Variants in NBEA observed in about 807,000 individuals in gnomAD.
NBEA encodes the protein neurobeachin, also known as lysosomal-trafficking regulator 2.
A neutral mutation model predicts 343.4 loss-of-function variants in NBEA; 44 were observed. The ratio of observed to expected loss-of-function variants is 0.13; its 90% CI spans 0.10 to 0.16. The LOEUF (loss-of-function observed/expected upper bound fraction) is 0.16. Among genes scored for constraint, NBEA ranks in the 10% least tolerant of loss-of-function variants. NBEA has a pLI of 1.00. For synonymous variants in NBEA, 1,175 were observed against 1,238.7 expected (o/e 0.95, Z 1.08); for missense variants, 2,555 against 3,631.3 (o/e 0.70, Z 7.62).
chr13:35,200,979 C>A (rs1245233245), intron 31 of NBEA, among the ~76,000 whole-genome samples: 1 of 139,310 alleles, frequency 7.2e-6, no homozygotes, highest in Non-Finnish European at 1.5e-5. Context: ...ATTATAATTA[C>A]TTCTGAAGAC....
At chr13:35,288,380 A>G (rs2035580038) in intron 34 of NBEA, among the ~76,000 whole-genome samples, 1 of 151,854 alleles carries the variant, frequency 6.6e-6, no homozygotes, top group South Asian at 2.1e-4. Flanking sequence ...GGGAGAATCC[A>G]TTTATTCTTT....
At chr13:35,317,464 A>G (rs893884793) in intron 36 of NBEA, among the ~76,000 whole-genome samples, 1 of 151,988 alleles carries the variant, frequency 6.6e-6, no homozygotes, top group African/African-American at 2.4e-5. Context: ...GTTGGTCCAT[A>G]TATCTGTTTT....
In NBEA at chr13:34,942,992, G is replaced by A. The variant is rs760473211; in HGVS notation, c.172G>A (p.Ala58Thr). 3 of 1,610,872 alleles carry A rather than the reference G, an allele frequency of 1.9e-6. No homozygotes were observed. The highest frequency in any genetic ancestry group is 4.5e-5 in the East Asian group (2 of 44,342). Reference protein sequence around the residue: ...ASGSGSVMLPAGMINPSVPIR... With the variant: ...ASGSGSVMLPTGMINPSVPIR... ...CGGCTCCGGCTCGGTGATGCTCCCC[G>A]CGGGGATGATTAACCCTTCGGTGCC... The change falls in exon 1 of 59, where the codon GCG becomes ACG. Residue 58 changes from alanine (A) to threonine (T), a missense_variant. Physicochemically the swap from Ala to Thr is moderately conservative, Grantham distance 58 (BLOSUM62 0). This residue lies in a region of NBEA where 122 missense variants were observed against 91.0 expected (regional missense o/e 1.34). Coordinates refer to ENST00000379939, the MANE Select transcript of NBEA (RefSeq NM_001385012.1).
In NBEA at chr13:35,174,923, G is replaced by C. The variant is rs754263811; in HGVS notation, c.4554+1329G>C. 3.3e-5 allele frequency among the ~76,000 whole-genome samples: 5 copies of C among 151,914 alleles called. No individual in the cohort carries two copies. In the East Asian group the frequency reaches 9.7e-4, roughly 29 times the overall value. Reference sequence around the variant, plus strand: ...TTCTCCTGCCTCAGCCTCCCAAGTAGCTGGGACTACAGATGTGTGCCACCA... The same window carrying C: ...TTCTCCTGCCTCAGCCTCCCAAGTACCTGGGACTACAGATGTGTGCCACCA... On this transcript the variant is annotated intron_variant, in intron 27 of 58. Transcript: ENST00000379939.
At chr13:35,248,955 C>T (rs929339572) in intron 34 of NBEA, among the ~76,000 whole-genome samples, 32 of 151,988 alleles carry the variant, frequency 2.1e-4, no homozygotes, top group African/African-American at 7.2e-4. Flanking sequence ...TTCGAGACCA[C>T]CCTGACCAAC....
intron 36 of NBEA, among the ~76,000 whole-genome samples, chr13:35,332,000 T>C (rs545242450): frequency 1.3e-5 from 2 of 152,152 alleles, no homozygotes; most frequent in East Asian, 3.9e-4. Context: ...AAAAATGACA[T>C]GATCATTAAA....
At chr13:35,652,090 T>C (rs1036624875) in intron 53 of NBEA, among the ~76,000 whole-genome samples, 2 of 152,176 alleles carry the variant, frequency 1.3e-5, no homozygotes, top group Admixed American at 1.3e-4. Context: ...TTGGAGGTCA[T>C]TTAAGTTGGT....
intron 38 of NBEA, among the ~76,000 whole-genome samples, chr13:35,396,055 T>G (rs2042730369): frequency 6.6e-6 from 1 of 152,106 alleles, no homozygotes; most frequent in Non-Finnish European, 1.5e-5. Flanking sequence ...ACACAACATA[T>G]AGTTGAGTAT....
intron 25 of NBEA, among the ~76,000 whole-genome samples, 193 bp downstream of exon 25, chr13:35,169,188 G>A (rs1160182588): frequency 1.3e-5 from 2 of 151,412 alleles, no homozygotes; most frequent in Non-Finnish European, 3.0e-5. Flanking sequence ...ATTTTATTAT[G>A]CACAATAATC....
At chr13:35,191,595 GT>G (rs2072200019) in intron 30 of NBEA, among the ~76,000 whole-genome samples, 1 of 151,754 alleles carries the variant, frequency 6.6e-6, no homozygotes, top group Admixed American at 6.6e-5. Flanking sequence ...CCTCTTTGGA[GT>G]TAAGATATTT....
intron 1 of NBEA, among the ~76,000 whole-genome samples, chr13:34,979,997 GA>G (rs1425079527): frequency 4.6e-5 from 7 of 152,146 alleles, no homozygotes; most frequent in Non-Finnish European, 1.0e-4. Context: ...TAGTACCTTT[GA>G]AGAAAGTTGA....
chr13:35,350,173 C>A (rs1195441759), intron 37 of NBEA, among the ~76,000 whole-genome samples: 1 of 152,036 alleles, frequency 6.6e-6, no homozygotes, highest in Non-Finnish European at 1.5e-5. Flanking sequence ...CTAAGAAAAT[C>A]AAGATAATTT....
At chr13:35,147,342 G>A (rs2068496028) in intron 18 of NBEA, among the ~76,000 whole-genome samples, 2 of 152,246 alleles carry the variant, frequency 1.3e-5, no homozygotes. Context: ...TCAAATGAGA[G>A]TGAGAAAGCC....
intron 35 of NBEA, among the ~76,000 whole-genome samples, chr13:35,301,755 C>G (rs537928167): frequency 1.3e-5 from 2 of 152,136 alleles, no homozygotes; most frequent in Admixed American, 6.5e-5. Flanking sequence ...ATCCTTGAAT[C>G]GCCACACTGT....
At chr13:35,145,737 A>G (rs2068378104) in intron 18 of NBEA, among the ~76,000 whole-genome samples, 1 of 152,200 alleles carries the variant, frequency 6.6e-6, no homozygotes, top group African/African-American at 2.4e-5. Flanking sequence ...TCATTAACCA[A>G]TTGGTGTCTT....
chr13:35,596,487 G>C (rs1332801134), intron 47 of NBEA, among the ~76,000 whole-genome samples: 1 of 152,072 alleles, frequency 6.6e-6, no homozygotes, highest in Non-Finnish European at 1.5e-5. Context: ...GCAGTAGATG[G>C]TTTTATTCTG....
At chr13:35,373,678 CTGG>C (rs2041575979) in intron 38 of NBEA, among the ~76,000 whole-genome samples, 1 of 150,722 alleles carries the variant, frequency 6.6e-6, no homozygotes, top group African/African-American at 2.4e-5. Context: ...GCACTCCAGC[CTGG>C]GTGACAGAGG....
At chr13:35,484,261 T>C (rs1431167946) in intron 41 of NBEA, among the ~76,000 whole-genome samples, 5 of 136,268 alleles carry the variant, frequency 3.7e-5, no homozygotes, top group African/African-American at 1.4e-4. Flanking sequence ...TGTGTGTGTG[T>C]GTGTGTGTGT....
At chr13:35,164,578 C>A in intron 24 of NBEA, 69 bp downstream of exon 24, 1 of 1,482,658 alleles carries the variant, frequency 6.7e-7, no homozygotes, top group South Asian at 1.2e-5. Context: ...CAGTGGTGGT[C>A]TAGGCTATAA....
Sources: allele counts gnomAD v4.1 joint callset (sites outside exome capture counted in the v4.1 genomes callset), GRCh38; gene constraint gnomAD v4.1.1; regional missense constraint gnomAD v4.1.1; transcripts MANE v1.5; gene names NCBI Gene and HGNC (gene_info 2026-07-23, HGNC 2026-07-21).